The following CPQ variants were observed in gnomAD, a reference collection of about 807,000 sequenced individuals.
CPQ encodes the protein Ser-Met dipeptidase.
CPQ carries 37 observed loss-of-function variants against 45.7 expected under a neutral mutation model. The ratio of observed to expected loss-of-function variants is 0.81; its 90% confidence interval spans 0.62 to 1.07. CPQ has a LOEUF of 1.07. CPQ is among the 50% of genes least tolerant of loss of function. The pLI is 0.00. For synonymous variants in CPQ, 186 were observed against 205.8 expected, an observed-to-expected ratio of 0.90 and a Z score of 0.82; for missense variants, 537 against 572.9, an observed-to-expected ratio of 0.94 and a Z score of 0.64.
At chr8:97,090,929 T>C (rs1222505267) in intron 7 of CPQ, among the ~76,000 whole-genome samples, 1 of 152,190 alleles carries the variant, frequency 6.6e-6, no homozygotes, top group African/African-American at 2.4e-5. Context: ...CAAGAGTCCA[T>C]GCCCCTTTAA....
chr8:96,894,623 C>T (rs1812420373), intron 4 of CPQ, among the ~76,000 whole-genome samples: 1 of 152,036 alleles, frequency 6.6e-6, no homozygotes, highest in East Asian at 1.9e-4. Flanking sequence ...TTTGAGTCTG[C>T]AAGAAATTTA....
At chr8:96,818,013 A>G (rs756160855) in intron 2 of CPQ, among the ~76,000 whole-genome samples, 31 of 152,060 alleles carry the variant, frequency 2.0e-4, no homozygotes, top group Non-Finnish European at 4.4e-4. Flanking sequence ...TTGGCTATTG[A>G]CATGCCTTCC....
intron 7 of CPQ, among the ~76,000 whole-genome samples, chr8:97,068,076 T>C (rs921678237): frequency 6.6e-6 from 1 of 152,116 alleles, no homozygotes; most frequent in African/African-American, 2.4e-5. Flanking sequence ...TAAGACAGAA[T>C]TGGGAACAAA....
chr8:97,117,727 C>T (rs537260955), intron 7 of CPQ, among the ~76,000 whole-genome samples: 16 of 151,966 alleles, frequency 1.1e-4, no homozygotes, highest in African/African-American at 1.2e-4. Context: ...TTTGTAGAGA[C>T]GAGGTCTCAT....
In CPQ at chr8:96,911,963, A is replaced by G. The variant is rs116463623; in HGVS notation, c.849+31958A>G. ...CAGCTTGACTGTGTGATGTCAAGTAAGTTCTCAGAGCCTCCCTTTCCCCAT... is the reference window on the plus strand; with the variant it reads ...CAGCTTGACTGTGTGATGTCAAGTAGGTTCTCAGAGCCTCCCTTTCCCCAT... On this transcript the variant is annotated intron_variant, in intron 4 of 7. Coordinates refer to ENST00000220763, the MANE Select transcript of CPQ (RefSeq NM_016134.4). 3.3e-3 allele frequency among the ~76,000 whole-genome samples: 497 copies of G among 152,280 alleles called. 6 individuals are homozygous for G. The highest frequency in any genetic ancestry group is 0.012 in the African/African-American group (484 of 41,560).
chr8:96,861,744 C>T (rs1239378135), intron 3 of CPQ, among the ~76,000 whole-genome samples: 1 of 152,094 alleles, frequency 6.6e-6, no homozygotes, highest in Non-Finnish European at 1.5e-5. Context: ...ATACAAATGA[C>T]AAACACAAAG....
At chr8:97,035,143 G>A (rs964197216) in intron 6 of CPQ, among the ~76,000 whole-genome samples, 4 of 152,072 alleles carry the variant, frequency 2.6e-5, no homozygotes, top group East Asian at 1.9e-4. Context: ...CACCTGCCTC[G>A]GCCTCCTAAA....
At chr8:96,850,703 G>C (rs1187862674) in intron 3 of CPQ, among the ~76,000 whole-genome samples, 1 of 151,606 alleles carries the variant, frequency 6.6e-6, no homozygotes, top group Non-Finnish European at 1.5e-5. Context: ...TCTGTCTCCA[G>C]GGTTCAAGCG....
At chr8:96,701,130 G>A (rs1037752156) in intron 1 of CPQ, among the ~76,000 whole-genome samples, 7 of 152,126 alleles carry the variant, frequency 4.6e-5, no homozygotes, top group African/African-American at 1.7e-4. Context: ...ACAATATAGT[G>A]GAAAGAAAAT....
chr8:97,087,963 T>C (rs1277810742), intron 7 of CPQ, among the ~76,000 whole-genome samples: 1 of 152,162 alleles, frequency 6.6e-6, no homozygotes, highest in East Asian at 1.9e-4. Context: ...TATTATATGA[T>C]AATATTGGAA....
intron 3 of CPQ, among the ~76,000 whole-genome samples, chr8:96,856,635 C>A (rs1326074928): frequency 1.3e-5 from 2 of 152,210 alleles, no homozygotes; most frequent in South Asian, 2.1e-4. Context: ...TTAGTATGGA[C>A]CAGGCCTGTA....
intron 7 of CPQ, among the ~76,000 whole-genome samples, chr8:97,135,755 C>G (rs1244177030): frequency 4.6e-5 from 7 of 152,178 alleles, no homozygotes; most frequent in Non-Finnish European, 8.8e-5. Context: ...GGATTTCCCA[C>G]AGCTGCTCGC....
intron 5 of CPQ, among the ~76,000 whole-genome samples, chr8:97,003,465 T>C (rs990035178): frequency 6.6e-6 from 1 of 152,174 alleles, no homozygotes; most frequent in African/African-American, 2.4e-5. Flanking sequence ...CCACACACTA[T>C]AAGCCCCTAT....
At chr8:97,118,379 G>A (rs960259772) in intron 7 of CPQ, among the ~76,000 whole-genome samples, 1 of 151,994 alleles carries the variant, frequency 6.6e-6, no homozygotes, top group Non-Finnish European at 1.5e-5. Flanking sequence ...CCAGGTCCTT[G>A]GATTTCTTTC....
intron 2 of CPQ, among the ~76,000 whole-genome samples, chr8:96,795,092 C>T (rs1239326438): frequency 2.0e-5 from 3 of 152,146 alleles, no homozygotes; most frequent in Non-Finnish European, 4.4e-5. Context: ...TTTTCAGCAG[C>T]GCCCCAGTCT....
At chr8:96,678,113 C>A (rs972627111) in intron 1 of CPQ, among the ~76,000 whole-genome samples, 1 of 152,060 alleles carries the variant, frequency 6.6e-6, no homozygotes, top group African/African-American at 2.4e-5. Flanking sequence ...TGGGATGCTT[C>A]CAGATTTGTT....
intron 1 of CPQ, among the ~76,000 whole-genome samples, chr8:96,721,690 A>G (rs540437047): frequency 6.6e-6 from 1 of 152,014 alleles, no homozygotes; most frequent in South Asian, 2.1e-4. Flanking sequence ...CTTATTAGGC[A>G]CTCCTTTATC....
intron 2 of CPQ, among the ~76,000 whole-genome samples, chr8:96,798,963 C>T (rs1394234027): frequency 2.0e-5 from 3 of 152,088 alleles, no homozygotes; most frequent in African/African-American, 7.2e-5. Context: ...CATGTTAAAT[C>T]ATGAGTGGAT....
chr8:96,728,061 T>C (rs774522011), intron 1 of CPQ, among the ~76,000 whole-genome samples: 2 of 152,270 alleles, frequency 1.3e-5, no homozygotes, highest in Admixed American at 6.5e-5. Context: ...TGCCAAGGTG[T>C]GCCCCTCTCT....
Sources: allele counts gnomAD v4.1 joint callset (sites outside exome capture counted in the v4.1 genomes callset), GRCh38; gene constraint gnomAD v4.1.1; transcripts MANE v1.5; gene names NCBI Gene and HGNC (gene_info 2026-07-23, HGNC 2026-07-21).